The following FAAP20 variants were observed in gnomAD, a reference collection of about 807,000 sequenced individuals.
FAAP20 encodes the protein Fanconi anemia core complex-associated protein 20.
A neutral mutation model predicts 16.2 loss-of-function variants in FAAP20; 12 were observed. The observed-to-expected ratio is 0.74, with a 90% CI of 0.48 to 1.20. FAAP20 has a LOEUF of 1.20. FAAP20 is among the 50% of genes most tolerant of loss of function. The probability of loss-of-function intolerance (pLI) is 0.00; values close to 1 mark genes in which losing one functional copy is unlikely to be tolerated. For missense variants in FAAP20, 288 were observed against 245.8 expected (o/e 1.17, Z -1.15); for synonymous variants, 141 against 110.7 (o/e 1.27, Z -1.72).
At chr1:2,196,073 T>A (rs1572124761), upstream of FAAP20, among the ~76,000 whole-genome samples, 1 of 151,916 alleles carries the variant, frequency 6.6e-6, no homozygotes, top group African/African-American at 2.4e-5. This position sits in a 1 kb window ranked among gnomAD's most constrained non-coding sequence, Gnocchi z 4.5. Context: ...AGCCGTGGGG[T>A]CTCTGCAGCC....
At chr1:2,205,322 C>T (rs1307107435) in intron 3 of FAAP20, among the ~76,000 whole-genome samples, 2 of 146,560 alleles carry the variant, frequency 1.4e-5, no homozygotes, top group Non-Finnish European at 3.0e-5. Context: ...AGCCCCGCCC[C>T]GCAGGGTCCC....
chr1:2,206,127 G>A (rs899270077), intron 3 of FAAP20, among the ~76,000 whole-genome samples: 7 of 152,184 alleles, frequency 4.6e-5, no homozygotes, highest in Admixed American at 3.9e-4. Context: ...CTTCCCTGTT[G>A]GTACTCACCC....
Position 2,193,723 on chromosome 1 carries a change from G to A in FAAP20, c.386C>T (p.Ala129Val), listed in dbSNP as rs748580410. 4 of 1,592,382 alleles carry A rather than the reference G, an allele frequency of 2.5e-6. No homozygotes were observed. Among genetic ancestry groups the A allele is most frequent in the South Asian group, 1.1e-5 (1 of 88,826 alleles). ...PQRPAPDPCRAPRVEQQPSVE... is the reference protein window; with the variant it reads ...PQRPAPDPCRVPRVEQQPSVE... ...AGACGGCTGCTGCTCCACCCTGGGG[G>A]CCCTGCAGGGATCAGGTGCCGGGCG... Residue 129 changes from alanine to valine, a missense_variant, in exon 3 of 4, where the codon GCC (alanine) becomes GTC (valine). Physicochemically the swap from Ala to Val is moderately conservative, Grantham distance 64 (BLOSUM62 0). Transcript: ENST00000378546.
downstream of FAAP20, among the ~76,000 whole-genome samples, chr1:2,208,397 T>G (rs1384773444): frequency 1.3e-5 from 2 of 152,154 alleles, no homozygotes; most frequent in African/African-American, 2.4e-5. Flanking sequence ...CGGATTGCAA[T>G]CCAAACTTGT....
exon 2 of FAAP20, chr1:2,206,551 G>A (rs1689265019): frequency 6.6e-6 from 1 of 152,296 alleles, no homozygotes; most frequent in African/African-American, 2.4e-5. Context: ...AAGGCTCTGG[G>A]GGCCGGGCGT....
intron 3 of FAAP20, chr1:2,192,558 G>A: frequency 9.7e-7 from 1 of 1,031,422 alleles, no homozygotes; most frequent in Non-Finnish European, 1.2e-6. Flanking sequence ...CACCCTGACA[G>A]CAACAAGGAT....
Position 2,193,702 on chromosome 1 carries a change from G to C in FAAP20, c.407C>G (p.Pro136Arg). The C allele has an allele frequency of 3.8e-6, 6 of 1,595,128 alleles. No homozygotes were observed. Among genetic ancestry groups the C allele is most frequent in the African/African-American group, 1.4e-5 (1 of 73,808 alleles). Residue 136 changes from proline (P) to arginine (R), a missense_variant, in exon 3 of 4, where the codon CCG (proline) becomes CGG (arginine). By Grantham distance (103) the Pro-to-Arg change is moderately radical. Coordinates refer to ENST00000378546, the MANE Select transcript of FAAP20 (RefSeq NM_182533.4). Reference protein sequence around the residue: ...PCRAPRVEQQPSVEGAAALRS... With the variant: ...PCRAPRVEQQRSVEGAAALRS... ...CAGGGCCGCGGCACCCTCCACAGAC[G>C]GCTGCTGCTCCACCCTGGGGGCCCT... is the stretch of plus-strand genomic sequence containing the variant.
At chr1:2,209,569 G>A (rs151070886), downstream of FAAP20, among the ~76,000 whole-genome samples, 906 of 152,348 alleles carry the variant, frequency 5.9e-3, 12 homozygotes, top group Non-Finnish European at 6.3e-3. Context: ...ACCCTGTCGG[G>A]CAGGACACAT....
chr1:2,208,388 G>A (rs576629842), downstream of FAAP20, among the ~76,000 whole-genome samples: 22 of 152,258 alleles, frequency 1.4e-4, no homozygotes, highest in Non-Finnish European at 2.4e-4. Flanking sequence ...CCTGGCAAGC[G>A]GATTGCAATC....
Position 2,189,669 on chromosome 1 carries a change from G to T in FAAP20, c.*40C>A. On this transcript the variant is annotated 3_prime_UTR_variant, in exon 4 of 4. Coordinates refer to ENST00000378546, the MANE Select transcript of FAAP20 (RefSeq NM_182533.4). ...CGGGGCTGCTGGCGGGGGAGAGCGT[G>T]TCCGGGCGCCGCACTCTGCGCAGGG... is the stretch of plus-strand genomic sequence containing the variant. The T allele has an allele frequency of 6.4e-7, 1 of 1,562,486 alleles. No homozygotes were observed. Among genetic ancestry groups the T allele is most frequent in the Non-Finnish European group, 8.8e-7 (1 of 1,137,566 alleles).
intron 3 of FAAP20, chr1:2,192,798 C>T (rs1688383161): frequency 8.8e-7 from 1 of 1,130,932 alleles, no homozygotes; most frequent in African/African-American, 1.6e-5. Context: ...TGGGATCTTG[C>T]CATGTTGCCC....
chr1:2,211,399 TTATATA>T (rs1158545722), downstream of FAAP20, among the ~76,000 whole-genome samples: 1,210 of 20,970 alleles, frequency 0.058, 149 homozygotes, highest in Non-Finnish European at 0.074. Context: ...CTGGCTAATT[TTATATA>T]TATATATATA....
downstream of FAAP20, chr1:2,186,855 G>GCCAGTAGCGTGCCGGTTA (rs1553181995): frequency 9.7e-5 from 17 of 174,460 alleles, no homozygotes; most frequent in African/African-American, 3.6e-4. Context: ...CTGCCGTGTT[G>GCCAGTAGCGTGCCGGTTA]CCAGTAGCGT....
downstream of FAAP20, chr1:2,207,612 A>T (rs1429178349): frequency 6.6e-6 from 1 of 152,272 alleles, no homozygotes; most frequent in Non-Finnish European, 1.5e-5. Context: ...CTGGAGATGC[A>T]GCAGAGCAGA....
chr1:2,193,874 T>A lies in FAAP20; in HGVS notation c.235A>T (p.Thr79Ser). 6.2e-7 allele frequency: 1 copy of A among 1,612,462 alleles called. No homozygotes were observed. The highest frequency in any genetic ancestry group is 1.3e-5 in the African/African-American group (1 of 75,014). Reference protein sequence around the residue: ...RCGPEPTEVFTVGPKTFSWTP... With the variant: ...RCGPEPTEVFSVGPKTFSWTP... Reference sequence around the variant, plus strand: ...CAGGAAAAGGTCTTGGGTCCGACAGTGAAGACTTCAGTGGGCTCCGGGCCG... The same window carrying A: ...CAGGAAAAGGTCTTGGGTCCGACAGAGAAGACTTCAGTGGGCTCCGGGCCG... Residue 79 changes from threonine (T) to serine (S), a missense_variant, in exon 3 of 4, where the codon ACT becomes TCT. By Grantham distance (58) the Thr-to-Ser change is moderately conservative (BLOSUM62 1). Coordinates refer to ENST00000378546, the MANE Select transcript of FAAP20 (RefSeq NM_182533.4).
rs1688555162 is a variant in FAAP20, at chr1:2,193,922, AGTT to A, written c.199-15_199-13del. 6.2e-7 allele frequency: 1 copy of A among 1,611,968 alleles called. No homozygotes were observed. The highest frequency in any genetic ancestry group is 1.3e-5 in the African/African-American group (1 of 74,872). The stretch of plus-strand genomic sequence containing the variant: ...CCGCACCTGGGCTCCTGCAACACAG[AGTT>A]GTTGGGCCTTGCCCAGCGATGGCTC... On this transcript the variant is annotated splice_polypyrimidine_tract_variant and intron_variant, in intron 2 of 3. Transcript: ENST00000378546.
chr1:2,189,629 G>T lies in FAAP20; in HGVS notation c.*80C>A, dbSNP rs1687932278. ...GGAGCCGAGAGGCGGGGCTGCTGGC[G>T]GGGGAGCCGAGAGGCGGGGCTGCTG... On this transcript the variant is annotated 3_prime_UTR_variant, in exon 4 of 4. Coordinates refer to ENST00000378546, the MANE Select transcript of FAAP20 (RefSeq NM_182533.4). The T allele has an allele frequency of 1.3e-5, 15 of 1,195,682 alleles. No homozygotes were observed. The highest frequency in any genetic ancestry group is 9.9e-5 in the South Asian group (8 of 80,808). The allele number at this position is 1,195,682 out of a possible 1,614,324, so 74.1% of individuals were successfully genotyped here. A position where few individuals can be genotyped will look rare whatever the true frequency, so the allele number is the denominator to read the frequency against.
chr1:2,186,400 G>A (rs770999165), downstream of FAAP20, among the ~76,000 whole-genome samples: 8 of 152,118 alleles, frequency 5.3e-5, no homozygotes, highest in Non-Finnish European at 1.2e-4. Context: ...AGCACGACAT[G>A]GTGGATTCAC....
chr1:2,204,258 T>A (rs1689153428), upstream of FAAP20, among the ~76,000 whole-genome samples: 1 of 152,206 alleles, frequency 6.6e-6, no homozygotes. Flanking sequence ...GGTGCCCGGC[T>A]GTTGGTCCTG....
Sources: gnomAD v4.1 joint callset for allele counts (sites outside exome capture counted in the v4.1 genomes callset) on GRCh38, gnomAD v4.1.1 for gene constraint, Gnocchi (gnomAD v3.1) non-coding constraint, MANE v1.5 for transcripts, NCBI Gene and HGNC (gene_info 2026-07-23, HGNC 2026-07-21) for gene names.